The following ROR2 variants were observed in gnomAD, a reference collection of about 807,000 sequenced individuals.
The protein encoded by ROR2 is ROR family WNT receptor 2.
Under a neutral mutation model 74.9 loss-of-function variants are expected in ROR2, and 33 were observed. The ratio of observed to expected loss-of-function variants is 0.44; its 90% CI spans 0.33 to 0.59. ROR2 has a LOEUF of 0.59. Among genes scored for constraint, ROR2 ranks in the 20% least tolerant of loss-of-function variants. The probability of loss-of-function intolerance (pLI) is 0.02; values close to 1 mark genes in which losing one functional copy is unlikely to be tolerated. For synonymous variants in ROR2, 586 were observed against 558.7 expected (o/e 1.05, Z -0.69); for missense variants, 1,216 against 1,313.8 (o/e 0.93, Z 1.15).
intron 1 of ROR2, among the ~76,000 whole-genome samples, chr9:91,855,394 C>T (rs963403661): frequency 6.6e-6 from 1 of 152,246 alleles, no homozygotes. Flanking sequence ...GCACGGCGTT[C>T]GGCCCTCCCG....
intron 1 of ROR2, among the ~76,000 whole-genome samples, chr9:91,795,224 T>A (rs1015798402): frequency 1.3e-5 from 2 of 152,260 alleles, no homozygotes. Context: ...CATGCATTTC[T>A]AATATGAGAC....
intron 1 of ROR2, among the ~76,000 whole-genome samples, chr9:91,839,070 C>T (rs1245513352): frequency 6.6e-6 from 1 of 152,170 alleles, no homozygotes; most frequent in Non-Finnish European, 1.5e-5. Flanking sequence ...CAAGGCCCTC[C>T]GCACTGGCTA....
At chr9:91,915,895 C>T (rs1045151202) in intron 1 of ROR2, among the ~76,000 whole-genome samples, 1 of 152,192 alleles carries the variant, frequency 6.6e-6, no homozygotes, top group Non-Finnish European at 1.5e-5. Context: ...CGAAAAAGTT[C>T]TCCAAGTCCT....
chr9:91,900,245 C>T (rs1830637852), intron 1 of ROR2, among the ~76,000 whole-genome samples: 1 of 152,226 alleles, frequency 6.6e-6, no homozygotes, highest in Non-Finnish European at 1.5e-5. Context: ...AGCAGCCTCG[C>T]ATCCAGAGGC....
intron 1 of ROR2, among the ~76,000 whole-genome samples, chr9:91,779,740 C>T (rs1375976607): frequency 1.3e-5 from 2 of 152,156 alleles, no homozygotes; most frequent in Non-Finnish European, 2.9e-5. Flanking sequence ...AGTATGCACC[C>T]TAACCCTATG....
chr9:91,845,617 C>T (rs1277277807), intron 1 of ROR2, among the ~76,000 whole-genome samples: 1 of 151,996 alleles, frequency 6.6e-6, no homozygotes, highest in Non-Finnish European at 1.5e-5. Flanking sequence ...CGCGGTTGCT[C>T]GCATCTGTAA....
At chr9:91,860,857 T>C (rs1357970547) in intron 1 of ROR2, among the ~76,000 whole-genome samples, 5 of 152,206 alleles carry the variant, frequency 3.3e-5, no homozygotes, top group Admixed American at 3.3e-4. Context: ...GGTAATGCTC[T>C]ACCATTCTCT....
At chr9:91,919,446 C>T (rs1341449016) in intron 1 of ROR2, among the ~76,000 whole-genome samples, 2 of 152,214 alleles carry the variant, frequency 1.3e-5, no homozygotes, top group East Asian at 1.9e-4. Context: ...CCCACAAATT[C>T]CTCGCTGTCT....
chr9:91,730,372 G>C (rs1036889676), intron 7 of ROR2, among the ~76,000 whole-genome samples: 2 of 152,174 alleles, frequency 1.3e-5, no homozygotes, highest in Non-Finnish European at 2.9e-5. Context: ...CATTAGGGGT[G>C]ATCTGACATT....
intron 1 of ROR2, among the ~76,000 whole-genome samples, chr9:91,798,399 G>A (rs1827254092): frequency 7.7e-6 from 1 of 129,302 alleles, no homozygotes; most frequent in South Asian, 2.6e-4. Flanking sequence ...AGTGGGCGGG[G>A]CTGACACCCT....
At chr9:91,758,966 C>T (rs1159121560) in intron 2 of ROR2, among the ~76,000 whole-genome samples, 1 of 152,188 alleles carries the variant, frequency 6.6e-6, no homozygotes, top group Non-Finnish European at 1.5e-5. Flanking sequence ...TCAACATGAA[C>T]TTACATCAGA....
intron 1 of ROR2, among the ~76,000 whole-genome samples, chr9:91,874,520 G>A (rs978848415): frequency 6.6e-5 from 10 of 152,218 alleles, no homozygotes; most frequent in Admixed American, 6.5e-5. Flanking sequence ...AAGCCTAGGC[G>A]ATAAAACAGA....
chr9:91,897,051 G>T (rs892864370), intron 1 of ROR2, among the ~76,000 whole-genome samples: 1 of 152,178 alleles, frequency 6.6e-6, no homozygotes, highest in East Asian at 1.9e-4. Flanking sequence ...TTCCGTGTTC[G>T]GTGCAATGCA....
chr9:91,819,778 G>A (rs1273540240), intron 1 of ROR2, among the ~76,000 whole-genome samples: 1 of 151,064 alleles, frequency 6.6e-6, no homozygotes, highest in Non-Finnish European at 1.5e-5. Flanking sequence ...AGTGTTCTGT[G>A]TGTATGTCTG....
At chr9:91,842,682 TA>T (rs1231842709) in intron 1 of ROR2, among the ~76,000 whole-genome samples, 1 of 152,232 alleles carries the variant, frequency 6.6e-6, no homozygotes, top group African/African-American at 2.4e-5. Context: ...TCCAGTATCT[TA>T]ATTCCACCTC....
At chr9:91,873,470 C>A (rs1411022751) in intron 1 of ROR2, among the ~76,000 whole-genome samples, 1 of 152,130 alleles carries the variant, frequency 6.6e-6, no homozygotes, top group Non-Finnish European at 1.5e-5. Context: ...CGCCTACATT[C>A]CCAGCTACTC....
At chr9:91,906,813 C>G (rs1830830355) in intron 1 of ROR2, among the ~76,000 whole-genome samples, 1 of 152,164 alleles carries the variant, frequency 6.6e-6, no homozygotes, top group African/African-American at 2.4e-5. Flanking sequence ...CAAGGACTTC[C>G]AAGGTCCAGG....
intron 1 of ROR2, among the ~76,000 whole-genome samples, chr9:91,786,774 C>G (rs999657034): frequency 1.1e-4 from 17 of 152,306 alleles, no homozygotes; most frequent in African/African-American, 4.1e-4. Flanking sequence ...ACCCCTGGGG[C>G]ATTATGAAAA....
chr9:91,911,217 T>C (rs987391989), intron 1 of ROR2, among the ~76,000 whole-genome samples: 2 of 152,182 alleles, frequency 1.3e-5, no homozygotes, highest in Non-Finnish European at 2.9e-5. Context: ...GAACAAACTA[T>C]AGTCATGTGT....
Sources: gnomAD v4.1 joint callset for allele counts (sites outside exome capture counted in the v4.1 genomes callset) on GRCh38, gnomAD v4.1.1 for gene constraint, MANE v1.5 for transcripts, NCBI Gene and HGNC (gene_info 2026-07-23, HGNC 2026-07-21) for gene names.